The following EBF1 variants were observed in gnomAD, a reference collection of about 807,000 sequenced individuals.
EBF1 encodes EBF transcription factor 1, also known as transcription factor COE1.
Under a neutral mutation model 68.4 loss-of-function variants are expected in EBF1, and 10 were observed. The observed-to-expected ratio is 0.15, with a 90% confidence interval of 0.09 to 0.25. The LOEUF (loss-of-function observed/expected upper bound fraction) is 0.25. Ranked by LOEUF, EBF1 falls within the 10% of genes least tolerant of loss-of-function variation. EBF1 has a pLI of 1.00. For missense variants in EBF1, 509 were observed against 794.4 expected (o/e 0.64, Z 4.32); for synonymous variants, 298 against 299.8 (o/e 0.99, Z 0.06).
chr5:158,731,810 G>A (rs1764152405), intron 10 of EBF1, among the ~76,000 whole-genome samples: 1 of 152,184 alleles, frequency 6.6e-6, no homozygotes, highest in African/African-American at 2.4e-5. Context: ...CATCTGTGAA[G>A]TACTAGCTTA....
At chr5:158,703,530 T>C (rs1159136864) in intron 15 of EBF1, among the ~76,000 whole-genome samples, 4 of 151,776 alleles carry the variant, frequency 2.6e-5, no homozygotes, top group Admixed American at 2.6e-4. Flanking sequence ...TAAATGTTTT[T>C]GACTACCATA....
chr5:158,932,124 G>T (rs1046129780), intron 6 of EBF1, among the ~76,000 whole-genome samples: 2 of 152,160 alleles, frequency 1.3e-5, no homozygotes, highest in Non-Finnish European at 2.9e-5. Context: ...ATTGCATCAA[G>T]AATTTGAAAA....
chr5:159,089,357 A>C (rs941005900), intron 4 of EBF1, among the ~76,000 whole-genome samples: 1 of 152,154 alleles, frequency 6.6e-6, no homozygotes, highest in Admixed American at 6.5e-5. Context: ...AAATCAACCA[A>C]TCAATCAATA....
chr5:159,093,638 T>G (rs1018356644), intron 4 of EBF1, among the ~76,000 whole-genome samples: 1 of 152,132 alleles, frequency 6.6e-6, no homozygotes, highest in Non-Finnish European at 1.5e-5. Flanking sequence ...TGTATTGCTT[T>G]AAAAATATCA....
chr5:159,021,999 G>C (rs17716979), intron 6 of EBF1, among the ~76,000 whole-genome samples: 2,164 of 140,012 alleles, frequency 0.015, 32 homozygotes, highest in Admixed American at 0.049. Context: ...GTTGCAATAA[G>C]TGTCTTCAGT....
intron 4 of EBF1, among the ~76,000 whole-genome samples, chr5:159,092,651 T>C (rs987681584): frequency 5.3e-5 from 8 of 152,360 alleles, no homozygotes; most frequent in Middle Eastern, 6.8e-3. Context: ...ATTTTGCTTG[T>C]CCAAAATTCC....
intron 6 of EBF1, among the ~76,000 whole-genome samples, chr5:158,970,239 C>T (rs552339169): frequency 2.6e-5 from 4 of 152,302 alleles, no homozygotes; most frequent in Non-Finnish European, 5.9e-5. Flanking sequence ...TATGCAACAA[C>T]GGTCTGTTTA....
At chr5:158,728,912 CA>C (rs1344788283) in intron 11 of EBF1, among the ~76,000 whole-genome samples, 2 of 152,170 alleles carry the variant, frequency 1.3e-5, no homozygotes, top group Non-Finnish European at 2.9e-5. Flanking sequence ...CAAGGGCACC[CA>C]TGAGATGACC....
chr5:158,940,834 C>T (rs1042441557), intron 6 of EBF1, among the ~76,000 whole-genome samples: 1 of 140,200 alleles, frequency 7.1e-6, no homozygotes, highest in African/African-American at 2.7e-5. Context: ...ACAGAGGACA[C>T]TTCCTGGTGG....
At chr5:158,757,286 T>C (rs769469735) in intron 10 of EBF1, among the ~76,000 whole-genome samples, 1 of 152,168 alleles carries the variant, frequency 6.6e-6, no homozygotes, top group Non-Finnish European at 1.5e-5. Flanking sequence ...CTGTTTCCCT[T>C]GTAGGCTTAC....
chr5:158,976,127 A>C (rs1333858535), intron 6 of EBF1, among the ~76,000 whole-genome samples: 4 of 152,218 alleles, frequency 2.6e-5, no homozygotes, highest in Admixed American at 6.5e-5. Flanking sequence ...TATGTAACAC[A>C]TGAGTTAGGC....
intron 6 of EBF1, among the ~76,000 whole-genome samples, chr5:158,864,716 G>T (rs1795564074): frequency 6.6e-6 from 1 of 152,214 alleles, no homozygotes; most frequent in African/African-American, 2.4e-5. Flanking sequence ...GGGGAGAAGA[G>T]AAGATCTTGG....
chr5:158,953,589 G>A (rs1369323411), intron 6 of EBF1, among the ~76,000 whole-genome samples: 1 of 152,222 alleles, frequency 6.6e-6, no homozygotes, highest in African/African-American at 2.4e-5. Flanking sequence ...GAGCAGAAGA[G>A]AGGGAAGGGA....
chr5:159,085,616 T>C (rs1254358429), intron 4 of EBF1, among the ~76,000 whole-genome samples: 1 of 152,206 alleles, frequency 6.6e-6, no homozygotes, highest in Non-Finnish European at 1.5e-5. Flanking sequence ...GGGCTACATT[T>C]AGCTAATTTA....
chr5:158,972,392 G>T (rs1022653927), intron 6 of EBF1, among the ~76,000 whole-genome samples: 16 of 152,186 alleles, frequency 1.1e-4, no homozygotes, highest in Admixed American at 1.0e-3. Context: ...TTGTCAAAGC[G>T]GATAGATGTT....
chr5:158,773,338 G>A (rs1054721825), intron 10 of EBF1, among the ~76,000 whole-genome samples: 1 of 152,176 alleles, frequency 6.6e-6, no homozygotes, highest in Non-Finnish European at 1.5e-5. Flanking sequence ...GTATTTCCAC[G>A]AAGAATTCTC....
chr5:158,969,842 G>GAAAGAA (rs1225774113), intron 6 of EBF1, among the ~76,000 whole-genome samples: 7 of 67,534 alleles, frequency 1.0e-4, no homozygotes, highest in Non-Finnish European at 2.0e-4. Flanking sequence ...AAGAAAGAAA[G>GAAAGAA]AGAAAGAAAG....
At chr5:158,988,633 T>C (rs927475682) in intron 6 of EBF1, among the ~76,000 whole-genome samples, 1 of 152,208 alleles carries the variant, frequency 6.6e-6, no homozygotes, top group African/African-American at 2.4e-5. Context: ...AGGGTTGCTA[T>C]TGTATCAGCT....
At chr5:158,798,030 C>T (rs992629436) in intron 8 of EBF1, among the ~76,000 whole-genome samples, 1 of 152,146 alleles carries the variant, frequency 6.6e-6, no homozygotes, top group African/African-American at 2.4e-5. Context: ...TGATTAAGTA[C>T]TCCCAAACCA....
Sources: allele counts gnomAD v4.1 joint callset (sites outside exome capture counted in the v4.1 genomes callset), GRCh38; gene constraint gnomAD v4.1.1; transcripts MANE v1.5; gene names NCBI Gene and HGNC (gene_info 2026-07-23, HGNC 2026-07-21).